The following EYA1 variants were observed in gnomAD, a reference collection of about 807,000 sequenced individuals.
EYA1 encodes protein phosphatase EYA1.
EYA1 carries 16 observed loss-of-function variants against 82.0 expected under a neutral mutation model. The observed-to-expected ratio is 0.20, with a 90% confidence interval of 0.13 to 0.30. EYA1 has a LOEUF of 0.30. Ranked by LOEUF, EYA1 falls within the 10% of genes least tolerant of loss-of-function variation. The pLI is 1.00. For synonymous variants in EYA1, 261 were observed against 264.4 expected, an observed-to-expected ratio of 0.99 and a Z score of 0.12; for missense variants, 633 against 730.7, an observed-to-expected ratio of 0.87 and a Z score of 1.54.
In EYA1 at chr8:71,234,574, C is replaced by T. The variant is rs184745498; in HGVS notation, c.1140+10029G>A. Among the ~76,000 whole-genome samples, 400 of 152,256 alleles carry T rather than the reference C, an allele frequency of 2.6e-3. 3 individuals are homozygous for T. Among genetic ancestry groups the T allele is most frequent in the Middle Eastern group, 0.01 (3 of 294 alleles). Reference sequence around the variant, plus strand: ...TCCCTCCTTCTTGAAACACTATTCTCCAGGTTTCTGTGATAGCTCATACTT... The same window carrying T: ...TCCCTCCTTCTTGAAACACTATTCTTCAGGTTTCTGTGATAGCTCATACTT... On this transcript the variant is annotated intron_variant, in intron 12 of 17. Coordinates refer to ENST00000340726, the MANE Select transcript of EYA1 (RefSeq NM_000503.6).
At chr8:71,275,631 T>C (rs552838753) in intron 9 of EYA1, among the ~76,000 whole-genome samples, 2 of 152,276 alleles carry the variant, frequency 1.3e-5, no homozygotes, top group Non-Finnish European at 2.9e-5. Context: ...TGAAAAAGTA[T>C]GTCAGGAAGG....
chr8:71,266,810 T>C (rs1054206942), intron 11 of EYA1, among the ~76,000 whole-genome samples: 8 of 152,006 alleles, frequency 5.3e-5, no homozygotes, highest in Non-Finnish European at 8.8e-5. Context: ...AACACTGAAC[T>C]CTCCCTTCCC....
intron 1 of EYA1, among the ~76,000 whole-genome samples, chr8:71,540,876 A>G (rs1815084443): frequency 1.3e-5 from 2 of 152,208 alleles, no homozygotes; most frequent in Admixed American, 1.3e-4. Context: ...TACAGAAAAG[A>G]AAAGGGCTAT....
intron 2 of EYA1, among the ~76,000 whole-genome samples, chr8:71,392,089 A>G (rs1829310016): frequency 6.6e-6 from 1 of 152,196 alleles, no homozygotes; most frequent in Non-Finnish European, 1.5e-5. Context: ...ATTTCCCTCC[A>G]TACTTTTCAA....
intron 12 of EYA1, among the ~76,000 whole-genome samples, chr8:71,219,868 C>G (rs1417465773): frequency 6.6e-6 from 1 of 152,114 alleles, no homozygotes; most frequent in East Asian, 1.9e-4. Flanking sequence ...TCTCAGACAC[C>G]ATCTATCTAG....
At chr8:71,486,733 G>T (rs906492858) in intron 2 of EYA1, among the ~76,000 whole-genome samples, 1 of 152,146 alleles carries the variant, frequency 6.6e-6, no homozygotes, top group African/African-American at 2.4e-5. Context: ...TGGATGCAAG[G>T]GTGAGGTTCT....
At chr8:71,498,839 G>A (rs1811607318) in intron 2 of EYA1, among the ~76,000 whole-genome samples, 1 of 152,172 alleles carries the variant, frequency 6.6e-6, no homozygotes, top group Non-Finnish European at 1.5e-5. Context: ...GAAGAAATGA[G>A]TCACTAAAGA....
At chr8:71,254,842 C>T (rs1330176422) in intron 11 of EYA1, among the ~76,000 whole-genome samples, 2 of 150,516 alleles carry the variant, frequency 1.3e-5, no homozygotes, top group South Asian at 4.3e-4. Flanking sequence ...TCCCCCCACC[C>T]CGCCCCCCAC....
intron 9 of EYA1, among the ~76,000 whole-genome samples, chr8:71,292,730 A>T (rs1018189071): frequency 1.1e-4 from 16 of 152,076 alleles, no homozygotes; most frequent in African/African-American, 3.9e-4. Context: ...AATAAGTATT[A>T]AAATATTGTG....
At chr8:71,396,007 G>C (rs1195663245) in intron 2 of EYA1, among the ~76,000 whole-genome samples, 1 of 152,130 alleles carries the variant, frequency 6.6e-6, no homozygotes, top group East Asian at 1.9e-4. Flanking sequence ...ACTTCTTCCT[G>C]GTTTAGTCTT....
At chr8:71,265,710 A>G (rs1815713274) in intron 11 of EYA1, among the ~76,000 whole-genome samples, 2 of 152,258 alleles carry the variant, frequency 1.3e-5, no homozygotes, top group Non-Finnish European at 2.9e-5. Flanking sequence ...ATGAAAAATA[A>G]CCCAAGAATA....
chr8:71,338,101 G>A (rs952999664), intron 3 of EYA1, among the ~76,000 whole-genome samples: 2,589 of 152,242 alleles, frequency 0.017, 70 homozygotes, highest in African/African-American at 0.06. Context: ...AGATAACTGG[G>A]TCCAAATGTA....
At chr8:71,307,440 G>A (rs1331888959) in intron 7 of EYA1, among the ~76,000 whole-genome samples, 3 of 152,118 alleles carry the variant, frequency 2.0e-5, no homozygotes, top group African/African-American at 7.2e-5. Context: ...GAGTAGCTGG[G>A]ATTACAAGCG....
intron 12 of EYA1, among the ~76,000 whole-genome samples, chr8:71,228,746 C>T (rs1455377349): frequency 2.6e-5 from 4 of 152,162 alleles, no homozygotes; most frequent in Non-Finnish European, 5.9e-5. Context: ...GCACCACACA[C>T]ACAAAAATAA....
intron 9 of EYA1, among the ~76,000 whole-genome samples, chr8:71,293,552 G>T (rs1193455130): frequency 6.6e-6 from 1 of 151,924 alleles, no homozygotes; most frequent in African/African-American, 2.4e-5. Flanking sequence ...CAAAATATTA[G>T]CAAACTGAAT....
intron 12 of EYA1, among the ~76,000 whole-genome samples, chr8:71,222,475 C>T (rs1810049452): frequency 6.6e-6 from 1 of 152,192 alleles, no homozygotes. Context: ...ACCAGAGATT[C>T]ATCATCCCTT....
At chr8:71,494,605 C>T (rs1356003205) in intron 2 of EYA1, among the ~76,000 whole-genome samples, 1 of 152,040 alleles carries the variant, frequency 6.6e-6, no homozygotes, top group Admixed American at 6.6e-5. Flanking sequence ...TACCATATAA[C>T]ATTTGTGAAT....
At chr8:71,529,889 T>C (rs1814130613) in intron 2 of EYA1, 1 of 152,222 alleles carries the variant, frequency 6.6e-6, no homozygotes, top group African/African-American at 2.4e-5. Context: ...TGCCAGCTCA[T>C]GGTAAGTTCC....
At chr8:71,328,919 A>G (rs1287242718) in intron 4 of EYA1, among the ~76,000 whole-genome samples, 2 of 152,148 alleles carry the variant, frequency 1.3e-5, no homozygotes, top group Non-Finnish European at 2.9e-5. Flanking sequence ...CACATTGATC[A>G]ATTCATTAAT....
Sources: allele counts gnomAD v4.1 joint callset (sites outside exome capture counted in the v4.1 genomes callset), GRCh38; gene constraint gnomAD v4.1.1; transcripts MANE v1.5; gene names NCBI Gene and HGNC (gene_info 2026-07-23, HGNC 2026-07-21).